Variants in ASTN1 observed in about 807,000 individuals in gnomAD.
ASTN1 encodes the protein astrotactin-1.
ASTN1 carries 41 observed loss-of-function variants against 140.7 expected under a neutral mutation model. The ratio of observed to expected loss-of-function variants is 0.29; its 90% CI spans 0.23 to 0.38. The LOEUF is 0.38. Ranked by LOEUF, ASTN1 falls within the 10% of genes least tolerant of loss-of-function variation. The pLI, the probability that ASTN1 is intolerant of heterozygous loss-of-function variation, is 1.00. For missense variants in ASTN1, 1,479 were observed against 1,678.8 expected (o/e 0.88, Z 2.08); for synonymous variants, 640 against 652.2 (o/e 0.98, Z 0.29).
intron 20 of ASTN1, among the ~76,000 whole-genome samples, chr1:176,878,700 C>T (rs914635990): frequency 6.6e-6 from 1 of 152,096 alleles, no homozygotes; most frequent in Non-Finnish European, 1.5e-5. Flanking sequence ...CCTCTGCCCA[C>T]CTGCTCTAGA....
chr1:177,065,343 T>A (rs1232517585), intron 1 of ASTN1, among the ~76,000 whole-genome samples: 2 of 152,206 alleles, frequency 1.3e-5, no homozygotes, highest in East Asian at 3.8e-4. Context: ...CCAGAATCTA[T>A]GGAAACCAGG....
At chr1:176,902,709 G>T (rs1474510755) in intron 16 of ASTN1, among the ~76,000 whole-genome samples, 2 of 152,164 alleles carry the variant, frequency 1.3e-5, no homozygotes, top group African/African-American at 4.8e-5. Context: ...TGGGATAGTA[G>T]AATTTTCTAA....
chr1:176,917,155 G>A (rs567284298), intron 16 of ASTN1, among the ~76,000 whole-genome samples: 12 of 152,176 alleles, frequency 7.9e-5, no homozygotes, highest in Admixed American at 7.9e-4. Context: ...TCAGGTCTCT[G>A]GTAGCCCCTG....
At chr1:177,154,455 C>G (rs112372251) in intron 1 of ASTN1, among the ~76,000 whole-genome samples, 64 of 152,160 alleles carry the variant, frequency 4.2e-4, no homozygotes, top group African/African-American at 1.3e-3. Context: ...CAGAAAGTAC[C>G]ATACTGGATA....
chr1:177,062,482 C>T (rs1571727410), intron 1 of ASTN1, among the ~76,000 whole-genome samples: 1 of 151,116 alleles, frequency 6.6e-6, no homozygotes, highest in Non-Finnish European at 1.5e-5. Flanking sequence ...TGGTCTTAAG[C>T]AATCCTCCCA....
chr1:177,016,436 A>G (rs1248967822), intron 7 of ASTN1, among the ~76,000 whole-genome samples: 1 of 152,118 alleles, frequency 6.6e-6, no homozygotes, highest in Non-Finnish European at 1.5e-5. Flanking sequence ...CTTCAGTGGT[A>G]CTGAGCTATA....
intron 16 of ASTN1, among the ~76,000 whole-genome samples, chr1:176,926,053 C>T (rs981413886): frequency 8.5e-5 from 13 of 152,166 alleles, no homozygotes; most frequent in East Asian, 5.8e-4. Flanking sequence ...CTGATCTGTC[C>T]GCCTTGGCCT....
At chr1:177,078,656 C>A (rs374400939) in intron 1 of ASTN1, among the ~76,000 whole-genome samples, 2 of 152,134 alleles carry the variant, frequency 1.3e-5, no homozygotes, top group Non-Finnish European at 2.9e-5. Flanking sequence ...AGTCTAGGTA[C>A]GGCCCTTTTT....
intron 2 of ASTN1, among the ~76,000 whole-genome samples, chr1:177,049,013 C>T (rs1677391411): frequency 1.3e-5 from 2 of 152,208 alleles, no homozygotes; most frequent in South Asian, 4.1e-4. Flanking sequence ...CTGCCAAGCC[C>T]AGCATACTGC....
At chr1:177,025,708 G>T (rs1266402869) in intron 5 of ASTN1, among the ~76,000 whole-genome samples, 1 of 152,094 alleles carries the variant, frequency 6.6e-6, no homozygotes, top group East Asian at 1.9e-4. Context: ...TTTAATATTT[G>T]CTTTCTTACA....
chr1:177,015,476 G>A (rs1386810372), intron 7 of ASTN1, among the ~76,000 whole-genome samples: 1 of 152,116 alleles, frequency 6.6e-6, no homozygotes, highest in East Asian at 1.9e-4. Flanking sequence ...ATATGCACAG[G>A]AGGCCTCTTA....
At chr1:176,962,644 CAG>C (rs1486800329) in intron 9 of ASTN1, among the ~76,000 whole-genome samples, 1 of 152,134 alleles carries the variant, frequency 6.6e-6, no homozygotes, top group African/African-American at 2.4e-5. Flanking sequence ...CGGATTGGTA[CAG>C]TGAATTGGAG....
At position 177,025,862 on chromosome 1, in the gene ASTN1, C is replaced by T. The variant is rs114253055; in HGVS notation, c.1121-1130G>A. Among the ~76,000 whole-genome samples the T allele has an allele frequency of 3.3e-3, 497 of 152,168 alleles. 1 individual carries two copies. The highest frequency in any genetic ancestry group is 0.011 in the African/African-American group (476 of 41,506). On this transcript the variant is annotated intron_variant, in intron 5 of 22. Transcript: ENST00000361833. Reference sequence around the variant, plus strand: ...CCAGTGCTCAGGGTTTGATGTGGCTCGCATCATTGACTAGTGTCCCCAGTC... The same window carrying T: ...CCAGTGCTCAGGGTTTGATGTGGCTTGCATCATTGACTAGTGTCCCCAGTC...
chr1:177,015,306 A>T (rs932543957), intron 7 of ASTN1, among the ~76,000 whole-genome samples: 3 of 152,210 alleles, frequency 2.0e-5, no homozygotes, highest in African/African-American at 7.2e-5. Context: ...GAAAGTAGGT[A>T]TTATTGGCTA....
intron 1 of ASTN1, among the ~76,000 whole-genome samples, chr1:177,139,438 A>G (rs182136131): frequency 6.6e-6 from 1 of 152,352 alleles, no homozygotes; most frequent in East Asian, 1.9e-4. Flanking sequence ...TTCATAAGGA[A>G]AGACATGTTG....
chr1:176,888,104 C>T lies in ASTN1; in HGVS notation c.3041G>A (p.Gly1014Glu), dbSNP rs1398302883. 1.2e-6 allele frequency: 2 copies of T among 1,614,116 alleles called. No individual in the cohort carries two copies. Among genetic ancestry groups the T allele is most frequent in the Non-Finnish European group, 1.7e-6 (2 of 1,180,018 alleles). ...RCDSTAFGAD[G>E]LPTCAPLPQP... ...TGGGAGAGGCGCACAGGTGGGGAGT[C>T]CATCAGCTCCAAAAGCAGTGGAGTC... Residue 1014 changes from glycine (G) to glutamate (E), a missense_variant, in exon 18 of 23, where the codon GGA becomes GAA. By Grantham distance (98) the Gly-to-Glu change is moderately conservative. Around this residue, in one of 3 missense-constraint regions of ASTN1, gnomAD observed 746 missense variants for 800.9 expected, o/e 0.93. Transcript: ENST00000361833.
At chr1:176,982,485 G>A (rs1184511155) in intron 8 of ASTN1, among the ~76,000 whole-genome samples, 1 of 152,140 alleles carries the variant, frequency 6.6e-6, no homozygotes, top group Admixed American at 6.5e-5. Context: ...TGATTCAGTA[G>A]GTCTGGGGTG....
chr1:177,114,333 G>T (rs898784239), intron 1 of ASTN1, among the ~76,000 whole-genome samples: 9 of 152,102 alleles, frequency 5.9e-5, no homozygotes, highest in African/African-American at 1.9e-4. Flanking sequence ...TTTCTTAATA[G>T]ATTTGTTTTA....
intron 8 of ASTN1, among the ~76,000 whole-genome samples, chr1:176,994,678 C>A (rs1674355549): frequency 6.6e-6 from 1 of 152,104 alleles, no homozygotes; most frequent in African/African-American, 2.4e-5. Flanking sequence ...TTAGCTATAA[C>A]CTTTGTTTCT....
Sources: gnomAD v4.1 joint callset for allele counts (sites outside exome capture counted in the v4.1 genomes callset) on GRCh38, gnomAD v4.1.1 for gene constraint, gnomAD v4.1.1 regional missense constraint, MANE v1.5 for transcripts, NCBI Gene and HGNC (gene_info 2026-07-23, HGNC 2026-07-21) for gene names.